The following FHIP1A variants were observed in gnomAD, a reference collection of about 807,000 sequenced individuals.
The protein encoded by FHIP1A is FHF complex subunit HOOK-interacting protein 1A.
FHIP1A carries 61 observed loss-of-function variants against 88.6 expected under a neutral mutation model. The observed-to-expected ratio is 0.69, with a 90% CI of 0.56 to 0.85. The LOEUF is 0.85. FHIP1A is among the 40% of genes least tolerant of loss of function. FHIP1A has a pLI of 0.00. For missense variants in FHIP1A, 1,154 were observed against 1,273.5 expected (o/e 0.91, Z 1.43); for synonymous variants, 478 against 496.0 (o/e 0.96, Z 0.48).
chr4:151,559,828 G>A (rs1252851372), intron 3 of FHIP1A, among the ~76,000 whole-genome samples: 1 of 152,128 alleles, frequency 6.6e-6, no homozygotes, highest in African/African-American at 2.4e-5. Context: ...CATGATATCT[G>A]TGTGACTTTC....
chr4:151,437,295 T>TA (rs1728240026), intron 1 of FHIP1A, among the ~76,000 whole-genome samples: 2 of 152,090 alleles, frequency 1.3e-5, no homozygotes. Flanking sequence ...CTGGGGGTTC[T>TA]AGGGATTGTG....
intron 7 of FHIP1A, among the ~76,000 whole-genome samples, chr4:151,607,652 C>T (rs1226245135): frequency 1.3e-5 from 2 of 152,150 alleles, no homozygotes; most frequent in Non-Finnish European, 2.9e-5. Flanking sequence ...GAGTCTAGTT[C>T]TTTGCTACTT....
intron 7 of FHIP1A, among the ~76,000 whole-genome samples, chr4:151,589,163 A>G (rs1181599112): frequency 6.6e-6 from 1 of 152,166 alleles, no homozygotes; most frequent in Non-Finnish European, 1.5e-5. Context: ...AGTCAGCCTA[A>G]AGGAACATTG....
chr4:151,605,433 A>C (rs1266224218), intron 7 of FHIP1A, among the ~76,000 whole-genome samples: 2 of 152,196 alleles, frequency 1.3e-5, no homozygotes, highest in Non-Finnish European at 2.9e-5. Flanking sequence ...CGCAATGATA[A>C]CTGTGACCAC....
At chr4:151,607,234 C>G (rs1298242673) in intron 7 of FHIP1A, among the ~76,000 whole-genome samples, 1 of 152,122 alleles carries the variant, frequency 6.6e-6, no homozygotes, top group African/African-American at 2.4e-5. Flanking sequence ...AGAAGAGTAC[C>G]GTGGAAGCAG....
intron 3 of FHIP1A, among the ~76,000 whole-genome samples, chr4:151,513,683 A>G (rs1428833560): frequency 6.6e-6 from 1 of 152,208 alleles, no homozygotes; most frequent in Non-Finnish European, 1.5e-5. Context: ...CTTTAAACCA[A>G]CAAAGGGCAA....
intron 3 of FHIP1A, among the ~76,000 whole-genome samples, chr4:151,555,440 T>C (rs1037252121): frequency 2.0e-5 from 3 of 152,060 alleles, no homozygotes; most frequent in Admixed American, 2.0e-4. Context: ...ACTTACACAA[T>C]AACAAAAACA....
intron 3 of FHIP1A, among the ~76,000 whole-genome samples, chr4:151,558,307 G>A (rs1234576682): frequency 6.6e-6 from 1 of 152,010 alleles, no homozygotes; most frequent in Non-Finnish European, 1.5e-5. Context: ...AGGCTGAGGC[G>A]GGCAGATCAC....
chr4:151,452,997 A>C (rs1304156507), intron 1 of FHIP1A, among the ~76,000 whole-genome samples: 1 of 151,274 alleles, frequency 6.6e-6, no homozygotes, highest in African/African-American at 2.4e-5. Flanking sequence ...GATATTTTAT[A>C]AAATTAGGCC....
At chr4:151,553,100 G>C (rs1387887107) in intron 3 of FHIP1A, among the ~76,000 whole-genome samples, 1 of 152,158 alleles carries the variant, frequency 6.6e-6, no homozygotes, top group Non-Finnish European at 1.5e-5. Flanking sequence ...AAATCTGGGA[G>C]TATGCTGCAT....
chr4:151,445,081 C>G (rs998488864), intron 1 of FHIP1A, among the ~76,000 whole-genome samples: 5 of 152,164 alleles, frequency 3.3e-5, no homozygotes, highest in African/African-American at 9.6e-5. Context: ...TTCTATCTGA[C>G]TTGGCTACAA....
At chr4:151,425,823 G>T (rs1372432451) in intron 1 of FHIP1A, among the ~76,000 whole-genome samples, 1 of 152,034 alleles carries the variant, frequency 6.6e-6, no homozygotes, top group Non-Finnish European at 1.5e-5. Context: ...TCCTCTACAT[G>T]TGTCCCTGTC....
chr4:151,547,542 C>G (rs1339940662), intron 3 of FHIP1A, among the ~76,000 whole-genome samples: 1 of 152,184 alleles, frequency 6.6e-6, no homozygotes, highest in Non-Finnish European at 1.5e-5. Context: ...CTCCCCAAAG[C>G]TCTTGGATTC....
intron 2 of FHIP1A, among the ~76,000 whole-genome samples, chr4:151,464,574 T>A (rs1390104468): frequency 6.6e-6 from 1 of 152,154 alleles, no homozygotes; most frequent in East Asian, 1.9e-4. Context: ...GTATATTGCT[T>A]CCTGAGGGTA....
At chr4:151,588,759 G>T in intron 6 of FHIP1A, 81 bp from the exon 7 acceptor site, 1 of 911,818 alleles carries the variant, frequency 1.1e-6, no homozygotes, top group South Asian at 1.4e-5. Flanking sequence ...TTTGAGTTCA[G>T]GATGTACACA....
chr4:151,560,376 CCTACT>C (rs1234533714), intron 3 of FHIP1A, among the ~76,000 whole-genome samples: 1 of 152,088 alleles, frequency 6.6e-6, no homozygotes, highest in Admixed American at 6.6e-5. Flanking sequence ...GCCAAAGGTA[CCTACT>C]CTTCCAGAGA....
chr4:151,448,451 A>G (rs895397456), intron 1 of FHIP1A, among the ~76,000 whole-genome samples: 1 of 152,044 alleles, frequency 6.6e-6, no homozygotes, highest in Non-Finnish European at 1.5e-5. Context: ...CTACCCATTA[A>G]ACAGTAATTC....
At chr4:151,425,631 A>G (rs1168469145) in intron 1 of FHIP1A, among the ~76,000 whole-genome samples, 2 of 152,182 alleles carry the variant, frequency 1.3e-5, no homozygotes, top group African/African-American at 2.4e-5. Context: ...CACACAAATT[A>G]TGTGGATTAG....
chr4:151,479,161 A>T (rs550390481), intron 2 of FHIP1A, among the ~76,000 whole-genome samples: 1 of 152,238 alleles, frequency 6.6e-6, no homozygotes, highest in Non-Finnish European at 1.5e-5. Flanking sequence ...CTTAATGGAT[A>T]CACTGTTGAG....
Sources: gnomAD v4.1 joint callset for allele counts (sites outside exome capture counted in the v4.1 genomes callset) on GRCh38, gnomAD v4.1.1 for gene constraint, MANE v1.5 for transcripts, NCBI Gene and HGNC (gene_info 2026-07-23, HGNC 2026-07-21) for gene names.